Variants in MBP observed in about 807,000 individuals in gnomAD.
MBP encodes the protein Golli-MBP.
A neutral mutation model predicts 35.8 loss-of-function variants in MBP; 16 were observed. The observed-to-expected ratio is 0.45, with a 90% CI of 0.30 to 0.68. The LOEUF (loss-of-function observed/expected upper bound fraction) is 0.68, where lower values mean the gene tolerates loss of function less well. Among genes scored for constraint, MBP ranks in the 30% least tolerant of loss-of-function variants. MBP has a pLI of 0.08. For missense variants in MBP, 380 were observed against 404.7 expected (o/e 0.94, Z 0.52); for synonymous variants, 143 against 159.6 (o/e 0.90, Z 0.78).
At chr18:77,056,744 T>A (rs1432564945) in intron 3 of MBP, among the ~76,000 whole-genome samples, 1 of 152,090 alleles carries the variant, frequency 6.6e-6, no homozygotes, top group African/African-American at 2.4e-5. Flanking sequence ...CTCCCTGGGG[T>A]AACTTTTCTT....
chr18:77,100,770 C>G (rs1288329547), intron 2 of MBP, among the ~76,000 whole-genome samples: 2 of 152,008 alleles, frequency 1.3e-5, no homozygotes, highest in Admixed American at 1.3e-4. Flanking sequence ...CCAGGCTGGT[C>G]TCGAACTCCT....
At chr18:77,058,634 G>C (rs865952146) in intron 3 of MBP, among the ~76,000 whole-genome samples, 16 of 152,096 alleles carry the variant, frequency 1.1e-4, no homozygotes, top group African/African-American at 1.9e-4. Context: ...GAACACGGCC[G>C]CAGTGACTGG....
In MBP at chr18:77,131,298, G is replaced by C. The variant is rs1599299352; in HGVS notation, c.-26+1282C>G. 6.6e-6 allele frequency among the ~76,000 whole-genome samples: 1 copy of C among 152,282 alleles called. No individual in the cohort carries two copies. Among genetic ancestry groups the C allele is most frequent in the East Asian group, 1.9e-4 (1 of 5,164 alleles). On this transcript the variant is annotated intron_variant, in intron 1 of 8. Coordinates refer to ENST00000355994, the MANE Select transcript of MBP (RefSeq NM_001025101.2). The surrounding 1 kb of genome is among the most constrained non-coding windows in gnomAD (Gnocchi z 5.5). The stretch of plus-strand genomic sequence containing the variant: ...CAATCCATACGGTCCCCTGACTTGA[G>C]GGTGACCGTCCTTAAACTGTCCCCC...
intron 3 of MBP, among the ~76,000 whole-genome samples, chr18:77,050,826 G>T (rs919498839): frequency 9.9e-5 from 15 of 152,168 alleles, no homozygotes; most frequent in African/African-American, 3.6e-4. Flanking sequence ...GATTACAGGC[G>T]TGAGCCACCA....
chr18:77,063,677 A>C (rs1974076700), intron 3 of MBP, among the ~76,000 whole-genome samples: 1 of 152,226 alleles, frequency 6.6e-6, no homozygotes, highest in African/African-American at 2.4e-5. Context: ...ACGTTTGTGA[A>C]ATGATGGAAA....
intron 3 of MBP, among the ~76,000 whole-genome samples, chr18:77,060,364 A>G (rs2144762235): frequency 6.6e-6 from 1 of 151,746 alleles, no homozygotes; most frequent in South Asian, 2.1e-4. Context: ...GGCAGCACTC[A>G]TTATTCACTG....
Position 76,988,257 on chromosome 18 carries a change from C to T in MBP, c.750+238G>A. ...AACCCTCTGGGAGAAGAGGATCTGG[C>T]CTTGCAGGGCTGGGTCCCCGGCACA... is the stretch of plus-strand genomic sequence containing the variant. On this transcript the variant is annotated intron_variant, in intron 7 of 8. Coordinates refer to ENST00000355994, the MANE Select transcript of MBP (RefSeq NM_001025101.2). The surrounding 1 kb of genome is among the most constrained non-coding windows in gnomAD (Gnocchi z 5.2). 6.4e-7 allele frequency: 1 copy of T among 1,550,422 alleles called. No individual in the cohort carries two copies. Among genetic ancestry groups the T allele is most frequent in the East Asian group, 2.4e-5 (1 of 40,898 alleles).
chr18:77,118,494 C>A (rs1050356985), intron 1 of MBP, among the ~76,000 whole-genome samples: 1 of 151,954 alleles, frequency 6.6e-6, no homozygotes, highest in Non-Finnish European at 1.5e-5. Flanking sequence ...TGCAGGAAAT[C>A]TCCCGTGTGA....
intron 1 of MBP, among the ~76,000 whole-genome samples, chr18:77,121,795 C>A (rs1056414427): frequency 6.6e-6 from 1 of 152,124 alleles, no homozygotes; most frequent in Non-Finnish European, 1.5e-5. Flanking sequence ...GTAGCTGGTG[C>A]TCACACTTCA....
intron 2 of MBP, among the ~76,000 whole-genome samples, chr18:77,103,273 C>T (rs529781202): frequency 2.6e-4 from 39 of 152,288 alleles, no homozygotes; most frequent in African/African-American, 8.9e-4. Context: ...CAGACCTCAG[C>T]GAAGAGGTCT....
intron 1 of MBP, among the ~76,000 whole-genome samples, chr18:77,110,928 TTCTGCTTTC>T (rs1447877990): frequency 6.6e-6 from 1 of 152,198 alleles, no homozygotes; most frequent in Non-Finnish European, 1.5e-5. Context: ...AGGCATCTTT[TTCTGCTTTC>T]TCTGCTTTTT....
intron 1 of MBP, chr18:77,110,029 C>T (rs754660702): frequency 3.3e-5 from 5 of 152,136 alleles, no homozygotes; most frequent in Non-Finnish European, 5.9e-5. Flanking sequence ...TGCTTTATCC[C>T]TCATGTTTCT....
intron 1 of MBP, among the ~76,000 whole-genome samples, chr18:77,130,425 G>A (rs1977203158): frequency 6.6e-6 from 1 of 151,578 alleles, no homozygotes; most frequent in South Asian, 2.1e-4. Context: ...ATAGGATGGT[G>A]ACATCCAGTG....
intron 2 of MBP, chr18:77,093,583 G>C (rs1975629454): frequency 1.3e-5 from 2 of 152,234 alleles, no homozygotes; most frequent in Non-Finnish European, 2.9e-5. Context: ...ACCTTCAGGT[G>C]TGCTTTCCAC....
chr18:76,998,062 C>T (rs1002436922), intron 4 of MBP, among the ~76,000 whole-genome samples: 2 of 152,230 alleles, frequency 1.3e-5, no homozygotes, highest in Admixed American at 6.5e-5. Flanking sequence ...TTTAAGTGTG[C>T]AATTCAGTGG....
At chr18:77,119,968 G>A (rs1976839427) in intron 1 of MBP, among the ~76,000 whole-genome samples, 1 of 152,166 alleles carries the variant, frequency 6.6e-6, no homozygotes, top group Non-Finnish European at 1.5e-5. Context: ...AGCTGCAGTG[G>A]CCCAGGCCAC....
Position 77,132,697 on chromosome 18 carries a change from G to A in MBP, c.-143C>T, listed in dbSNP as rs1371923098. 5 of 151,714 alleles carry A rather than the reference G, an allele frequency of 3.3e-5. No homozygotes were observed. In the East Asian group the frequency reaches 7.8e-4, roughly 24 times the overall value. 9.4% of individuals were successfully genotyped at this position (151,714 alleles called of 1,614,324 possible). On this transcript the variant is annotated 5_prime_UTR_variant, in exon 1 of 9. Transcript: ENST00000355994. ...TCAAGCGCCCACGCGCGGGGTCCCCGGGCAGCCTGCTTCGCCTTCCGGGGT... is the reference window on the plus strand; with the variant it reads ...TCAAGCGCCCACGCGCGGGGTCCCCAGGCAGCCTGCTTCGCCTTCCGGGGT...
rs917907556 is a variant in MBP at position 77,013,800 on chromosome 18, C to T, written c.576+3032G>A. ...GCTGCTTTCTGCTTTGGGAACTATC[C>T]AAGTGGCACATCACCATGTCCAGCT... On this transcript the variant is annotated intron_variant, in intron 4 of 8. Transcript: ENST00000355994. 18 of 985,428 alleles carry T rather than the reference C, an allele frequency of 1.8e-5. No individual in the cohort carries two copies. In the African/African-American group the frequency reaches 3.1e-4, roughly 17 times the overall value. The allele number at this position is 985,428 out of a possible 1,614,324, so 61.0% of individuals were successfully genotyped here. A position where few individuals can be genotyped will look rare whatever the true frequency, so the allele number is the denominator to read the frequency against.
intron 3 of MBP, among the ~76,000 whole-genome samples, chr18:77,053,014 GA>G (rs1973565520): frequency 6.6e-6 from 1 of 152,172 alleles, no homozygotes. Context: ...TGGATCATTT[GA>G]AAAAGGGGAA....
Sources: allele counts gnomAD v4.1 joint callset (sites outside exome capture counted in the v4.1 genomes callset), GRCh38; gene constraint gnomAD v4.1.1; non-coding constraint Gnocchi (gnomAD v3.1); transcripts MANE v1.5; gene names NCBI Gene and HGNC (gene_info 2026-07-23, HGNC 2026-07-21).